The following LRRC4C variants were observed in gnomAD, a reference collection of about 807,000 sequenced individuals.
LRRC4C encodes the protein leucine-rich repeat-containing protein 4C.
A neutral mutation model predicts 33.6 loss-of-function variants in LRRC4C; 5 were observed. The ratio of observed to expected loss-of-function variants is 0.15; its 90% CI spans 0.08 to 0.31. LRRC4C has a LOEUF of 0.31. Among genes scored for constraint, LRRC4C ranks in the 10% least tolerant of loss-of-function variants. LRRC4C has a pLI of 1.00. For synonymous variants in LRRC4C, 329 were observed against 302.0 expected (o/e 1.09, Z -0.93); for missense variants, 560 against 796.7 (o/e 0.70, Z 3.58).
At chr11:40,438,037 C>T (rs1460690260) in intron 3 of LRRC4C, among the ~76,000 whole-genome samples, 2 of 152,140 alleles carry the variant, frequency 1.3e-5, no homozygotes, top group Admixed American at 6.5e-5. Context: ...AAGGCAATGC[C>T]CTTGAAGTGA....
chr11:41,112,134 G>A (rs1266807407), intron 1 of LRRC4C, among the ~76,000 whole-genome samples: 1 of 151,986 alleles, frequency 6.6e-6, no homozygotes, highest in African/African-American at 2.4e-5. Flanking sequence ...ATGAATCCAG[G>A]ATGCCAACAG....
chr11:40,664,524 G>A (rs994179978), intron 2 of LRRC4C, among the ~76,000 whole-genome samples: 26 of 147,828 alleles, frequency 1.8e-4, no homozygotes, highest in Non-Finnish European at 3.6e-4. Flanking sequence ...CAGCCTGAGC[G>A]AAAGAGCGAG....
chr11:40,129,908 G>C (rs550183988), intron 6 of LRRC4C, among the ~76,000 whole-genome samples: 27 of 152,218 alleles, frequency 1.8e-4, no homozygotes, highest in Non-Finnish European at 3.7e-4. Flanking sequence ...CAGCTTGGCA[G>C]GGCTAAAAAT....
At chr11:41,295,594 C>G (rs1384856136) in intron 1 of LRRC4C, among the ~76,000 whole-genome samples, 1 of 145,702 alleles carries the variant, frequency 6.9e-6, no homozygotes, top group Non-Finnish European at 1.5e-5. Flanking sequence ...TTCAGGGCAA[C>G]AAACATTTTT....
At chr11:41,163,251 A>G (rs1944552405) in intron 1 of LRRC4C, among the ~76,000 whole-genome samples, 1 of 149,980 alleles carries the variant, frequency 6.7e-6, no homozygotes, top group Non-Finnish European at 1.5e-5. Context: ...TAGCAACATG[A>G]AAATGGAGTA....
chr11:40,178,013 AGTT>A (rs1369952617), intron 5 of LRRC4C, among the ~76,000 whole-genome samples: 1 of 152,212 alleles, frequency 6.6e-6, no homozygotes, highest in Non-Finnish European at 1.5e-5. Flanking sequence ...CATGCAAAGT[AGTT>A]GTTAGAAATG....
At chr11:40,156,532 T>G (rs1447732026) in intron 5 of LRRC4C, among the ~76,000 whole-genome samples, 1 of 152,094 alleles carries the variant, frequency 6.6e-6, no homozygotes, top group Non-Finnish European at 1.5e-5. Flanking sequence ...CATAAATCAG[T>G]AGCTCTTCTA....
chr11:41,107,963 AGAGG>A (rs1486072454), intron 1 of LRRC4C, among the ~76,000 whole-genome samples: 7 of 474 alleles, frequency 0.015, no homozygotes, highest in African/African-American at 0.016. Context: ...AAGAGAAGGG[AGAGG>A]GGAGAGGGGA....
intron 1 of LRRC4C, among the ~76,000 whole-genome samples, chr11:40,992,458 A>AT (rs1175018913): frequency 6.7e-6 from 1 of 149,892 alleles, no homozygotes; most frequent in East Asian, 2.0e-4. Context: ...GATTCTCAGT[A>AT]TTTTTCTGAG....
chr11:41,241,442 AAG>A (rs1948246986), intron 1 of LRRC4C, among the ~76,000 whole-genome samples: 1 of 152,120 alleles, frequency 6.6e-6, no homozygotes, highest in East Asian at 1.9e-4. Context: ...GTCCAGGTCA[AAG>A]TAGGTGTATA....
At chr11:41,139,089 T>C (rs1943391700) in intron 1 of LRRC4C, among the ~76,000 whole-genome samples, 1 of 152,188 alleles carries the variant, frequency 6.6e-6, no homozygotes, top group Admixed American at 6.5e-5. Context: ...AAAAAGCAGA[T>C]ATGGTTAAAA....
chr11:40,834,239 T>G (rs1220828627), intron 2 of LRRC4C, among the ~76,000 whole-genome samples: 1 of 152,016 alleles, frequency 6.6e-6, no homozygotes, highest in Non-Finnish European at 1.5e-5. Context: ...TTTGGGAGGC[T>G]GAGGTGGGCA....
intron 3 of LRRC4C, among the ~76,000 whole-genome samples, chr11:40,619,842 G>T (rs545601159): frequency 3.6e-4 from 55 of 151,232 alleles, no homozygotes; most frequent in African/African-American, 1.3e-3. Context: ...TCTCGGTGTT[G>T]CAGGGTGAAG....
intron 5 of LRRC4C, among the ~76,000 whole-genome samples, chr11:40,159,056 T>C (rs1858943066): frequency 6.6e-6 from 1 of 152,194 alleles, no homozygotes; most frequent in African/African-American, 2.4e-5. Context: ...GTAATTATAC[T>C]ACACTGCGAA....
chr11:40,901,073 A>G (rs1044437113), intron 2 of LRRC4C, among the ~76,000 whole-genome samples: 3 of 151,990 alleles, frequency 2.0e-5, no homozygotes, highest in Admixed American at 6.6e-5. Context: ...CTTTTCTTTT[A>G]TGTAAAAATG....
intron 1 of LRRC4C, among the ~76,000 whole-genome samples, chr11:41,005,587 G>C (rs556984060): frequency 6.6e-6 from 1 of 152,200 alleles, no homozygotes; most frequent in East Asian, 1.9e-4. Flanking sequence ...CTGGGTGACA[G>C]AGTGAGACTC....
At chr11:40,745,132 G>T (rs981116122) in intron 2 of LRRC4C, among the ~76,000 whole-genome samples, 1 of 152,156 alleles carries the variant, frequency 6.6e-6, no homozygotes, top group Non-Finnish European at 1.5e-5. Context: ...TTATGGTCCT[G>T]ATAAAAGTTT....
At chr11:40,430,362 T>C (rs1950872928) in intron 3 of LRRC4C, among the ~76,000 whole-genome samples, 1 of 152,042 alleles carries the variant, frequency 6.6e-6, no homozygotes, top group Admixed American at 6.6e-5. Flanking sequence ...TGAAGGATTA[T>C]TCATGTCCTA....
chr11:40,523,178 A>T (rs1303156422), intron 3 of LRRC4C, among the ~76,000 whole-genome samples: 1 of 152,160 alleles, frequency 6.6e-6, no homozygotes, highest in Non-Finnish European at 1.5e-5. Context: ...GAAGGTTTCA[A>T]ATTTCTCGAC....
Sources: allele counts gnomAD v4.1 joint callset (sites outside exome capture counted in the v4.1 genomes callset), GRCh38; gene constraint gnomAD v4.1.1; transcripts MANE v1.5; gene names NCBI Gene and HGNC (gene_info 2026-07-23, HGNC 2026-07-21).